Variants in PDE4D observed in about 807,000 individuals in gnomAD.
PDE4D encodes the protein phosphodiesterase 4D, also known as 3',5'-cyclic-AMP phosphodiesterase 4D.
PDE4D carries 24 observed loss-of-function variants against 87.4 expected under a neutral mutation model. The observed-to-expected ratio is 0.27, with a 90% CI of 0.20 to 0.39. The LOEUF is 0.39. Ranked by LOEUF, PDE4D falls within the 10% of genes least tolerant of loss-of-function variation. The pLI, the probability that PDE4D is intolerant of heterozygous loss-of-function variation, is 1.00. For missense variants in PDE4D, 714 were observed against 1,041.0 expected (o/e 0.69, Z 4.32); for synonymous variants, 384 against 383.2 (o/e 1.00, Z -0.02).
At chr5:59,803,752 G>A (rs968999049) in intron 1 of PDE4D, among the ~76,000 whole-genome samples, 1 of 152,166 alleles carries the variant, frequency 6.6e-6, no homozygotes, top group Non-Finnish European at 1.5e-5. Context: ...CACTAAAGTA[G>A]ATGGTAGTAT....
At chr5:59,197,091 T>C (rs1005388839) in intron 2 of PDE4D, among the ~76,000 whole-genome samples, 28 of 152,126 alleles carry the variant, frequency 1.8e-4, no homozygotes, top group African/African-American at 6.8e-4. Context: ...GACTAAGTCA[T>C]CTTGACAAGG....
chr5:60,358,296 A>C (rs1427253171), intron 1 of PDE4D, among the ~76,000 whole-genome samples: 1 of 152,142 alleles, frequency 6.6e-6, no homozygotes, highest in Non-Finnish European at 1.5e-5. Context: ...ATTCCCAGGG[A>C]ATGAGATAGA....
chr5:59,648,719 TC>T (rs1197568740), intron 1 of PDE4D, among the ~76,000 whole-genome samples: 62 of 82,010 alleles, frequency 7.6e-4, no homozygotes, highest in South Asian at 2.1e-3. Flanking sequence ...GCATCTAACC[TC>T]AAAAAAAAAA....
At chr5:60,141,952 T>C (rs1265650918) in intron 2 of PDE4D, among the ~76,000 whole-genome samples, 26 of 152,144 alleles carry the variant, frequency 1.7e-4, no homozygotes, top group Admixed American at 1.7e-3. Context: ...TAAGTAATAA[T>C]AATAACTCAA....
intron 1 of PDE4D, among the ~76,000 whole-genome samples, chr5:59,422,515 C>T (rs1204874224): frequency 6.6e-6 from 1 of 152,048 alleles, no homozygotes; most frequent in African/African-American, 2.4e-5. Flanking sequence ...TTACAAAGTA[C>T]GATAAAAGGT....
chr5:59,164,138 A>T (rs931730943), intron 5 of PDE4D, among the ~76,000 whole-genome samples: 1 of 152,232 alleles, frequency 6.6e-6, no homozygotes, highest in East Asian at 1.9e-4. Context: ...TTGTGTGCAC[A>T]ATTAGGAATT....
Position 60,496,203 on chromosome 5 carries a change from C to T in PDE4D, n.70+25848G>A, listed in dbSNP as rs578067793. Reference sequence around the variant, plus strand: ...CAGGAAATCTTCTGTTTGCTTTGCACGCTCCTGAGTATAGGACAAAGCGCT... The same window carrying T: ...CAGGAAATCTTCTGTTTGCTTTGCATGCTCCTGAGTATAGGACAAAGCGCT... On this transcript the variant is annotated intron_variant and non_coding_transcript_variant, in intron 1 of 2. Coordinates refer to the PDE4D transcript ENST00000506510. Among the ~76,000 whole-genome samples the T allele has an allele frequency of 7.9e-5, 12 of 152,210 alleles. 1 individual carries two copies. The highest frequency in any genetic ancestry group is 2.2e-4 in the African/African-American group (9 of 41,538).
chr5:60,115,074 T>C (rs1312002445), intron 2 of PDE4D, among the ~76,000 whole-genome samples: 2 of 147,892 alleles, frequency 1.4e-5, no homozygotes, highest in African/African-American at 5.0e-5. Flanking sequence ...TGGCAGATCA[T>C]ATTTTCTATT....
chr5:60,288,614 G>A (rs1261585668), intron 1 of PDE4D, among the ~76,000 whole-genome samples: 2 of 152,192 alleles, frequency 1.3e-5, no homozygotes, highest in Admixed American at 1.3e-4. Flanking sequence ...AATATTTTGT[G>A]TAACTGGATA....
chr5:59,420,750 G>A (rs1794349616), intron 1 of PDE4D, among the ~76,000 whole-genome samples: 2 of 151,722 alleles, frequency 1.3e-5, no homozygotes, highest in Admixed American at 1.3e-4. Context: ...AGAGCTGCTG[G>A]TATTCACAGT....
At chr5:59,089,907 G>C (rs937454911) in intron 5 of PDE4D, among the ~76,000 whole-genome samples, 5 of 152,074 alleles carry the variant, frequency 3.3e-5, no homozygotes, top group Non-Finnish European at 5.9e-5. Flanking sequence ...TAAAAGCAGA[G>C]AGATGAGAGG....
intron 1 of PDE4D, among the ~76,000 whole-genome samples, chr5:59,648,972 T>C (rs1742924418): frequency 6.6e-6 from 1 of 152,214 alleles, no homozygotes; most frequent in African/African-American, 2.4e-5. Flanking sequence ...GCATTGAGAA[T>C]GTTCTGAGAT....
At chr5:59,426,689 G>T (rs1043601428) in intron 1 of PDE4D, among the ~76,000 whole-genome samples, 1 of 152,064 alleles carries the variant, frequency 6.6e-6, no homozygotes, top group Non-Finnish European at 1.5e-5. Flanking sequence ...ACCCGGCTGT[G>T]AAAAGTAGTG....
chr5:59,371,960 G>C (rs1325520999), intron 1 of PDE4D, among the ~76,000 whole-genome samples: 1 of 152,090 alleles, frequency 6.6e-6, no homozygotes, highest in Non-Finnish European at 1.5e-5. Context: ...TATAACCCTG[G>C]GACTGCCCAG....
At chr5:60,189,907 T>C (rs1785072542) in intron 1 of PDE4D, among the ~76,000 whole-genome samples, 1 of 152,222 alleles carries the variant, frequency 6.6e-6, no homozygotes, top group Non-Finnish European at 1.5e-5. Flanking sequence ...CAAGGTGTAA[T>C]GGATTAGCTC....
intron 1 of PDE4D, among the ~76,000 whole-genome samples, chr5:59,602,122 A>G (rs755984137): frequency 1.3e-5 from 2 of 152,128 alleles, no homozygotes; most frequent in Non-Finnish European, 2.9e-5. Context: ...CAACACACAC[A>G]AATCAATACA....
At chr5:60,019,613 T>C (rs1163793347) in intron 2 of PDE4D, among the ~76,000 whole-genome samples, 1 of 152,218 alleles carries the variant, frequency 6.6e-6, no homozygotes, top group African/African-American at 2.4e-5. Flanking sequence ...TTAAACCTCA[T>C]GCACCAACCT....
chr5:59,963,228 G>A (rs577163870), intron 3 of PDE4D, among the ~76,000 whole-genome samples: 1 of 152,260 alleles, frequency 6.6e-6, no homozygotes, highest in East Asian at 1.9e-4. Context: ...TGAAGGTTAT[G>A]CTCTCATTCT....
chr5:60,006,714 A>T (rs1282759996), intron 2 of PDE4D, among the ~76,000 whole-genome samples: 1 of 151,994 alleles, frequency 6.6e-6, no homozygotes, highest in Non-Finnish European at 1.5e-5. Context: ...TGTGCTGTAA[A>T]CATGATGATG....
Sources: allele counts gnomAD v4.1 joint callset (sites outside exome capture counted in the v4.1 genomes callset), GRCh38; gene constraint gnomAD v4.1.1; transcripts MANE v1.5; gene names NCBI Gene and HGNC (gene_info 2026-07-23, HGNC 2026-07-21).